Variants in PCDHGB3 observed in about 807,000 individuals in gnomAD.
PCDHGB3 encodes protocadherin gamma-B3.
PCDHGB3 carries 40 observed loss-of-function variants against 59.2 expected under a neutral mutation model. That is an observed-to-expected ratio of 0.68 (90% confidence interval 0.52 to 0.88). The LOEUF is 0.88. Among genes scored for constraint, PCDHGB3 ranks in the 40% least tolerant of loss-of-function variants. PCDHGB3 has a pLI of 0.00. For synonymous variants in PCDHGB3, 581 were observed against 503.6 expected, an observed-to-expected ratio of 1.15 and a Z score of -2.06; for missense variants, 1,309 against 1,187.9, an observed-to-expected ratio of 1.10 and a Z score of -1.50.
Position 141,418,176 on chromosome 5 carries a change from T to G in PCDHGB3, c.2415+45367T>G, listed in dbSNP as rs1197334192. 1 of 1,614,078 alleles carries G rather than the reference T, an allele frequency of 6.2e-7. No individual in the cohort carries two copies. Among genetic ancestry groups the G allele is most frequent in the Non-Finnish European group, 8.5e-7 (1 of 1,179,908 alleles). On this transcript the variant is annotated intron_variant, in intron 1 of 3. Coordinates refer to ENST00000576222, the MANE Select transcript of PCDHGB3 (RefSeq NM_018924.5). ...GAGAGAAGAAGATGTGAGTTGCAAT[T>G]GGAAGCTGTGGTGGAAAATCCTTTA...
intron 1 of PCDHGB3, chr5:141,421,168 A>G: frequency 1.5e-6 from 2 of 1,331,612 alleles, no homozygotes; most frequent in South Asian, 1.5e-5. Context: ...TCATAGATAC[A>G]TAAGCCGATT....
intron 1 of PCDHGB3, among the ~76,000 whole-genome samples, chr5:141,482,554 A>T (rs997707871): frequency 4.1e-5 from 6 of 146,884 alleles, no homozygotes; most frequent in Non-Finnish European, 6.0e-5. Flanking sequence ...AAAAAAGATA[A>T]TGGAGATCTG....
rs998564450 is a variant in PCDHGB3 at position 141,401,627 on chromosome 5, G to T, written c.2415+28818G>T. The stretch of plus-strand genomic sequence containing the variant: ...AAAAAGACACCGGATTTGTCTTATC[G>T]TTTGGAGCTTTAAATATAAATGACT... On this transcript the variant is annotated intron_variant, in intron 1 of 3. Coordinates refer to ENST00000576222, the MANE Select transcript of PCDHGB3 (RefSeq NM_018924.5). Among the ~76,000 whole-genome samples the T allele has an allele frequency of 2.6e-5, 4 of 152,294 alleles. No homozygotes were observed. In the South Asian group the frequency reaches 8.3e-4, roughly 32 times the overall value.
intron 1 of PCDHGB3, chr5:141,383,043 C>G: frequency 9.3e-6 from 15 of 1,613,860 alleles, no homozygotes; most frequent in Non-Finnish European, 1.3e-5. Context: ...TGGGAGACAT[C>G]GCCAAGGACC....
In PCDHGB3 at chr5:141,428,081, C is replaced by A. The variant is rs768842388; in HGVS notation, c.2415+55272C>A. 14 of 1,609,100 alleles carry A rather than the reference C, an allele frequency of 8.7e-6. No individual in the cohort carries two copies. In the African/African-American group the frequency reaches 1.1e-4, roughly 12 times the overall value. ...CGGTGGACGCAGATTCGGGACACAA[C>A]GCTTGGCTGTCCTACCACGTGCTGC... is the stretch of plus-strand genomic sequence containing the variant. On this transcript the variant is annotated intron_variant, in intron 1 of 3. Transcript: ENST00000576222.
At chr5:141,426,825 A>G (rs747894160) in intron 1 of PCDHGB3, 26 of 456,582 alleles carry the variant, frequency 5.7e-5, no homozygotes, top group Non-Finnish European at 9.3e-5. Context: ...CTCTCTGATG[A>G]TGGACAAGAC....
chr5:141,441,937 C>T, intron 1 of PCDHGB3: 1 of 344,792 alleles, frequency 2.9e-6, no homozygotes, highest in Non-Finnish European at 5.6e-6. Context: ...GCTGTCCTAC[C>T]ACGTGCTGCA....
chr5:141,419,240 G>C (rs753956971), intron 1 of PCDHGB3: 1 of 1,613,980 alleles, frequency 6.2e-7, no homozygotes, highest in South Asian at 1.1e-5. Flanking sequence ...CCTGGTCCAC[G>C]TGCCAGAAAA....
At chr5:141,444,531 C>T (rs1021207516) in intron 1 of PCDHGB3, among the ~76,000 whole-genome samples, 2 of 152,100 alleles carry the variant, frequency 1.3e-5, no homozygotes, top group Non-Finnish European at 1.5e-5. Context: ...GAGACAGTGA[C>T]TGTGTCTAGT....
intron 1 of PCDHGB3, chr5:141,393,788 G>A (rs2092844033): frequency 6.2e-7 from 1 of 1,613,938 alleles, no homozygotes. Context: ...AAGATGTGGG[G>A]GCACTTCTGG....
Position 141,491,916 on chromosome 5 carries a change from G to T in PCDHGB3, c.2416-2891G>T. ...GAGCACCGGGGGTGGTGGCGACTGT[G>T]GGCGAGGGGAGGTGGGACCGACCCC... On this transcript the variant is annotated intron_variant, in intron 1 of 3. Transcript: ENST00000576222. The surrounding 1 kb of genome is among the most constrained non-coding windows in gnomAD (Gnocchi z 6.9). 2 of 1,386,662 alleles carry T rather than the reference G, an allele frequency of 1.4e-6. No homozygotes were observed. Among genetic ancestry groups the T allele is most frequent in the African/African-American group, 1.5e-5 (1 of 68,510 alleles). The allele number at this position is 1,386,662 out of a possible 1,614,324, so 85.9% of individuals were successfully genotyped here.
In PCDHGB3 at chr5:141,382,895, CG is replaced by C. The variant is rs746416348; in HGVS notation, c.2415+10087del. 5.9e-6 allele frequency: 9 copies of C among 1,536,084 alleles called. No individual in the cohort carries two copies. In the Admixed American group the frequency reaches 1.9e-4, roughly 33 times the overall value. On this transcript the variant is annotated intron_variant, in intron 1 of 3. Transcript: ENST00000576222. ...CGGCGCCTAAGCAAGAGAAGCAGGA[CG>C]ACTATGGCGGCTCAGCCGAGGGGCG...
intron 1 of PCDHGB3, chr5:141,388,654 C>T (rs2091438371): frequency 3.1e-6 from 5 of 1,613,846 alleles, no homozygotes; most frequent in Non-Finnish European, 4.2e-6. Flanking sequence ...AACGTGTACC[C>T]GGGGACCACG....
intron 1 of PCDHGB3, among the ~76,000 whole-genome samples, chr5:141,382,554 T>C (rs1388983108): frequency 6.6e-6 from 1 of 152,216 alleles, no homozygotes; most frequent in African/African-American, 2.4e-5. Flanking sequence ...CAGGGATATC[T>C]AGAGCAAAGA....
At chr5:141,395,351 G>A (rs2093220052) in intron 1 of PCDHGB3, 1 of 1,366,364 alleles carries the variant, frequency 7.3e-7, no homozygotes, top group East Asian at 2.5e-5. Context: ...GTGTATCACA[G>A]AGTTTTGGGT....
intron 1 of PCDHGB3, among the ~76,000 whole-genome samples, chr5:141,438,591 CAT>C (rs946798767): frequency 2.9e-3 from 219 of 75,538 alleles, no homozygotes; most frequent in Middle Eastern, 0.016. Context: ...TACATACATA[CAT>C]ATATATATAT....
intron 1 of PCDHGB3, chr5:141,375,707 C>T (rs1483627086): frequency 1.1e-5 from 17 of 1,614,146 alleles, no homozygotes; most frequent in Non-Finnish European, 1.3e-5. Context: ...GGACCCGCCT[C>T]TTAGCAGCAA....
In PCDHGB3 at chr5:141,486,727, T is replaced by C; in HGVS notation, c.2416-8080T>C. ...TGAACCCCCAGACAGGAGCTGTTCA[T>C]GCTACTCGATCCTTTGACTATGAGC... On this transcript the variant is annotated intron_variant, in intron 1 of 3. Transcript: ENST00000576222. The surrounding 1 kb of genome is among the most constrained non-coding windows in gnomAD (Gnocchi z 5.0). 6.2e-7 allele frequency: 1 copy of C among 1,614,232 alleles called. No homozygotes were observed. Among genetic ancestry groups the C allele is most frequent in the Non-Finnish European group, 8.5e-7 (1 of 1,180,044 alleles).
Position 141,432,267 on chromosome 5 carries a change from C to T in PCDHGB3, c.2415+59458C>T, listed in dbSNP as rs746089276. 4.3e-6 allele frequency: 7 copies of T among 1,614,244 alleles called. No homozygotes were observed. On this transcript the variant is annotated intron_variant, in intron 1 of 3. Transcript: ENST00000576222. The surrounding 1 kb of genome is among the most constrained non-coding windows in gnomAD (Gnocchi z 6.0). ...ACCATCCAAGGGGCAAGCCTATCGT[C>T]CTACGTGTCCATCAACTCCGACACT...
Sources: gnomAD v4.1 joint callset for allele counts (sites outside exome capture counted in the v4.1 genomes callset) on GRCh38, gnomAD v4.1.1 for gene constraint, Gnocchi (gnomAD v3.1) non-coding constraint, MANE v1.5 for transcripts, NCBI Gene and HGNC (gene_info 2026-07-23, HGNC 2026-07-21) for gene names.